The following CPQ variants were observed in gnomAD, a reference collection of about 807,000 sequenced individuals.
CPQ encodes Ser-Met dipeptidase.
Under a neutral mutation model 45.7 loss-of-function variants are expected in CPQ, and 37 were observed. That is an observed-to-expected ratio of 0.81 (90% confidence interval 0.62 to 1.07). The LOEUF is 1.07. Ranked by LOEUF, CPQ falls within the 50% of genes least tolerant of loss-of-function variation. CPQ has a pLI of 0.00. For missense variants in CPQ, 537 were observed against 572.9 expected (o/e 0.94, Z 0.64); for synonymous variants, 186 against 205.8 (o/e 0.90, Z 0.82).
chr8:96,816,000 G>A (rs1267387608), intron 2 of CPQ, among the ~76,000 whole-genome samples: 2 of 152,138 alleles, frequency 1.3e-5, no homozygotes, highest in Admixed American at 6.6e-5. Context: ...ACTGATGAGG[G>A]TGGTGGTTGC....
At chr8:96,715,854 C>T (rs1809667011) in intron 1 of CPQ, among the ~76,000 whole-genome samples, 2 of 152,174 alleles carry the variant, frequency 1.3e-5, no homozygotes, top group African/African-American at 4.8e-5. Flanking sequence ...CTTAGTTTAG[C>T]CACCCAGTGG....
intron 1 of CPQ, among the ~76,000 whole-genome samples, chr8:96,667,151 A>G (rs1016605883): frequency 6.6e-6 from 1 of 152,166 alleles, no homozygotes; most frequent in African/African-American, 2.4e-5. Context: ...AATGGTGTGT[A>G]CATATTACAT....
At chr8:96,770,682 A>G (rs1193126545) in intron 1 of CPQ, among the ~76,000 whole-genome samples, 1 of 148,816 alleles carries the variant, frequency 6.7e-6, no homozygotes, top group Non-Finnish European at 1.5e-5. Context: ...ATTTCCAGAA[A>G]TATAAATGAG....
chr8:96,872,124 C>A (rs1812078186), intron 3 of CPQ, among the ~76,000 whole-genome samples: 1 of 151,812 alleles, frequency 6.6e-6, no homozygotes, highest in African/African-American at 2.4e-5. Flanking sequence ...TGAATTTTTT[C>A]AGATTTTGGA....
chr8:96,713,620 A>G (rs1809640838), intron 1 of CPQ, among the ~76,000 whole-genome samples: 1 of 152,186 alleles, frequency 6.6e-6, no homozygotes, highest in African/African-American at 2.4e-5. Context: ...GCATGGGGGT[A>G]ACTGCCCCCA....
chr8:96,783,728 CACTAGCCACACGTATCT>C (rs1810721447), intron 1 of CPQ, among the ~76,000 whole-genome samples: 1 of 152,112 alleles, frequency 6.6e-6, no homozygotes, highest in Non-Finnish European at 1.5e-5. Flanking sequence ...ATATAATAGC[CACTAGCCACACGTATCT>C]ATTGAGTACT....
chr8:97,005,284 A>G (rs1214595347), intron 5 of CPQ, among the ~76,000 whole-genome samples: 1 of 151,692 alleles, frequency 6.6e-6, no homozygotes, highest in Non-Finnish European at 1.5e-5. Flanking sequence ...ATTTCACCAT[A>G]TTGGCCAAGA....
intron 1 of CPQ, among the ~76,000 whole-genome samples, chr8:96,672,068 A>G (rs546496562): frequency 6.9e-6 from 1 of 145,814 alleles, no homozygotes; most frequent in South Asian, 2.2e-4. Context: ...GCAATGTCCA[A>G]CACCAGCTTT....
rs541552926 is a variant in CPQ at position 97,069,947 on chromosome 8, G to T, written c.1255+3737G>T. Among the ~76,000 whole-genome samples, 3 of 152,066 alleles carry T rather than the reference G, an allele frequency of 2.0e-5. No individual in the cohort carries two copies. The East Asian group carries it at 5.8e-4, about 29-fold the overall frequency. On this transcript the variant is annotated intron_variant, in intron 7 of 7. Coordinates refer to ENST00000220763, the MANE Select transcript of CPQ (RefSeq NM_016134.4). ...TTTCATTAATTATAGAAGACAAAAG[G>T]ATCAATTTATAATACGGCCATCTTT...
chr8:96,715,083 C>T lies in CPQ; in HGVS notation c.-35+69681C>T, dbSNP rs137861302. ...GCACATTTTAATTTATTTTTTTCCC[C>T]AGTATTTTACTTACTGGGTTGAAGA... On this transcript the variant is annotated intron_variant, in intron 1 of 7. Transcript: ENST00000220763. Among the ~76,000 whole-genome samples the T allele has an allele frequency of 4.4e-3, 662 of 152,118 alleles. 3 individuals carry two copies. Among genetic ancestry groups the T allele is most frequent in the African/African-American group, 0.015 (624 of 41,464 alleles).
intron 6 of CPQ, among the ~76,000 whole-genome samples, chr8:97,040,958 G>C (rs868770372): frequency 6.6e-6 from 1 of 151,974 alleles, no homozygotes; most frequent in Non-Finnish European, 1.5e-5. Flanking sequence ...GATTGACTTG[G>C]TGATGCGGGC....
chr8:96,905,275 A>G, intron 4 of CPQ, among the ~76,000 whole-genome samples: 1 of 152,112 alleles, frequency 6.6e-6, no homozygotes, highest in Non-Finnish European at 1.5e-5. Context: ...CCCATGATCC[A>G]ATCACCTCCC....
chr8:97,046,453 C>G (rs1487844436), intron 6 of CPQ, among the ~76,000 whole-genome samples: 2 of 152,028 alleles, frequency 1.3e-5, no homozygotes, highest in Non-Finnish European at 2.9e-5. Context: ...CTTTTATACC[C>G]CACACAGCAA....
At chr8:97,016,404 C>G (rs1045264730) in intron 5 of CPQ, among the ~76,000 whole-genome samples, 1 of 152,168 alleles carries the variant, frequency 6.6e-6, no homozygotes, top group Non-Finnish European at 1.5e-5. Context: ...ACTGAGTAGG[C>G]AATGCATGCT....
At chr8:96,803,505 T>C (rs1811034737) in intron 2 of CPQ, among the ~76,000 whole-genome samples, 1 of 152,168 alleles carries the variant, frequency 6.6e-6, no homozygotes, top group Non-Finnish European at 1.5e-5. Context: ...CAAGTTTGGA[T>C]TGGTGAGAAA....
intron 6 of CPQ, among the ~76,000 whole-genome samples, chr8:97,059,864 GC>G (rs1376774113): frequency 3.2e-4 from 49 of 152,264 alleles, no homozygotes; most frequent in African/African-American, 1.1e-3. Flanking sequence ...AAAATTGATT[GC>G]CCTGTGTCAG....
At chr8:96,730,563 C>G (rs1055430450) in intron 1 of CPQ, among the ~76,000 whole-genome samples, 3 of 151,968 alleles carry the variant, frequency 2.0e-5, no homozygotes, top group Non-Finnish European at 2.9e-5. Flanking sequence ...TTCTCCTTCC[C>G]CCCAAAGACT....
intron 1 of CPQ, among the ~76,000 whole-genome samples, chr8:96,656,554 G>T (rs1421230046): frequency 6.6e-6 from 1 of 152,130 alleles, no homozygotes; most frequent in East Asian, 1.9e-4. Flanking sequence ...CTGTCTCTGG[G>T]CAGGGCCTTA....
intron 1 of CPQ, among the ~76,000 whole-genome samples, chr8:96,657,707 G>T (rs542349539): frequency 6.6e-6 from 1 of 152,306 alleles, no homozygotes; most frequent in East Asian, 1.9e-4. Flanking sequence ...AAACCCAAAA[G>T]CCTTAAATGA....
Sources: gnomAD v4.1 joint callset for allele counts (sites outside exome capture counted in the v4.1 genomes callset) on GRCh38, gnomAD v4.1.1 for gene constraint, MANE v1.5 for transcripts, NCBI Gene and HGNC (gene_info 2026-07-23, HGNC 2026-07-21) for gene names.